The following SLC8A2 variants were observed in gnomAD, a reference collection of about 807,000 sequenced individuals.
SLC8A2 encodes the protein sodium/calcium exchanger 2.
In SLC8A2, 14 loss-of-function variants were observed where a neutral mutation model predicts 70.2. The observed-to-expected ratio is 0.20, with a 90% CI of 0.13 to 0.31. The LOEUF (loss-of-function observed/expected upper bound fraction) is 0.31. SLC8A2 is among the 10% of genes least tolerant of loss of function. The probability of loss-of-function intolerance (pLI) is 1.00; values close to 1 mark genes in which losing one functional copy is unlikely to be tolerated. For missense variants in SLC8A2, 779 were observed against 1,320.1 expected, an observed-to-expected ratio of 0.59 and a Z score of 6.35; for synonymous variants, 575 against 594.3, an observed-to-expected ratio of 0.97 and a Z score of 0.47.
rs1412581877 is a variant in SLC8A2, at chr19:47,429,238, TTGTC to T, written c.*847_*850del. ...AGGGAGTCTGCTGCCCTCTCAAAAG[TTGTC>T]TGTCACCCCCTTTTCCCAAGACATG... On this transcript the variant is annotated 3_prime_UTR_variant, in exon 10 of 10. Transcript: ENST00000236877. 1.3e-5 allele frequency: 2 copies of T among 152,452 alleles called. No homozygotes were observed. Among genetic ancestry groups the T allele is most frequent in the Non-Finnish European group, 2.9e-5 (2 of 68,086 alleles). The allele number at this position is 152,452 out of a possible 1,614,324, so 9.4% of individuals were successfully genotyped here.
intron 1 of SLC8A2, among the ~76,000 whole-genome samples, chr19:47,469,988 T>C (rs1308166488): frequency 6.6e-6 from 1 of 152,132 alleles, no homozygotes; most frequent in Non-Finnish European, 1.5e-5. Context: ...GTAAGACCCG[T>C]CCTTCATATC....
At chr19:47,437,603 G>T (rs370773034) in intron 7 of SLC8A2, 42 bp from the exon 8 acceptor site, 7 of 1,477,464 alleles carry the variant, frequency 4.7e-6, no homozygotes, top group South Asian at 1.1e-5. Flanking sequence ...GCCCCTGAGC[G>T]AACCAGGGAA....
rs1384760901 is a variant in SLC8A2 at position 47,430,389 on chromosome 19, G to A, written c.2466C>T (p.Asn822=). 6.2e-7 allele frequency: 1 copy of A among 1,610,832 alleles called. No homozygotes were observed. Among genetic ancestry groups the A allele is most frequent in the Non-Finnish European group, 8.5e-7 (1 of 1,179,230 alleles). The part of the protein sequence containing the change: ...DASIGNVTGS[N]AVNVFLGLGV... ...CCAGGCCAAGGAACACGTTCACCGCGTTGGAGCCGGTCACGTTGCCGATGG... is the reference window on the plus strand; with the variant it reads ...CCAGGCCAAGGAACACGTTCACCGCATTGGAGCCGGTCACGTTGCCGATGG... The change falls in exon 10 of 10, where the codon AAC becomes AAT. Residue 822 remains asparagine, a synonymous_variant. Transcript: ENST00000236877. This position sits in a 1 kb window ranked among gnomAD's most constrained non-coding sequence, Gnocchi z 5.9.
Position 47,430,102 on chromosome 19 carries a change from ATGT to A in SLC8A2, c.2750_2752del (p.His917_Ile918delinsLeu). On this transcript the variant is annotated inframe_deletion, in exon 10 of 10. Transcript: ENST00000236877. The surrounding 1 kb of genome is among the most constrained non-coding windows in gnomAD (Gnocchi z 5.9). ...CTGCGCGAGGCCCTAGAAGCCCCGG[ATGT>A]GGCAGTACGCCTCCAGGCTGGCGAA... The A allele has an allele frequency of 6.3e-7, 1 of 1,588,532 alleles. No individual in the cohort carries two copies. The highest frequency in any genetic ancestry group is 8.6e-7 in the Non-Finnish European group (1 of 1,167,230).
Position 47,429,867 on chromosome 19 carries a change from G to T in SLC8A2, c.*222C>A. 1 of 597,396 alleles carries T rather than the reference G, an allele frequency of 1.7e-6. No homozygotes were observed. Among genetic ancestry groups the T allele is most frequent in the South Asian group, 2.0e-5 (1 of 49,340 alleles). 37.0% of individuals were successfully genotyped at this position (597,396 alleles called of 1,614,324 possible). A position where few individuals can be genotyped will look rare whatever the true frequency, so the allele number is the denominator to read the frequency against. On this transcript the variant is annotated 3_prime_UTR_variant, in exon 10 of 10. Coordinates refer to ENST00000236877, the MANE Select transcript of SLC8A2 (RefSeq NM_015063.3). ...AGGATGGGCTGGAGTTGGGGTCACC[G>T]CAGGGGAGGAACCGGGGAGGCTCCC...
At position 47,432,525 on chromosome 19, in the gene SLC8A2, T is replaced by A; in HGVS notation, c.2111-80A>T. 1 of 1,373,058 alleles carries A rather than the reference T, an allele frequency of 7.3e-7. No individual in the cohort carries two copies. Among genetic ancestry groups the A allele is most frequent in the East Asian group, 2.4e-5 (1 of 41,538 alleles). The allele number at this position is 1,373,058 out of a possible 1,614,324, so 85.1% of individuals were successfully genotyped here. A position where few individuals can be genotyped will look rare whatever the true frequency, so the allele number is the denominator to read the frequency against. On this transcript the variant is annotated intron_variant, in intron 8 of 9. Coordinates refer to ENST00000236877, the MANE Select transcript of SLC8A2 (RefSeq NM_015063.3). The surrounding 1 kb of genome is among the most constrained non-coding windows in gnomAD (Gnocchi z 6.2). ...AGAGGCCCCATTTTGTCTAACTTCC[T>A]GACAGCAAGTCCCATTGAATGAACT...
chr19:47,451,436 G>A (rs1308965985), intron 3 of SLC8A2, among the ~76,000 whole-genome samples: 1 of 152,064 alleles, frequency 6.6e-6, no homozygotes, highest in Non-Finnish European at 1.5e-5. Flanking sequence ...AGCCTCTCGA[G>A]CAGCTGGGAC....
Position 47,430,004 on chromosome 19 carries a change from G to C in SLC8A2, c.*85C>G. The C allele has an allele frequency of 7.1e-7, 1 of 1,402,794 alleles. No homozygotes were observed. The highest frequency in any genetic ancestry group is 9.5e-7 in the Non-Finnish European group (1 of 1,047,482). 86.9% of individuals were successfully genotyped at this position (1,402,794 alleles called of 1,614,324 possible). A position where few individuals can be genotyped will look rare whatever the true frequency, so the allele number is the denominator to read the frequency against. ...CCAGGAGAGGAGGCCGAGTCTGGGG[G>C]GAAAAGGAGACCAGGGTCCAAGAGC... On this transcript the variant is annotated 3_prime_UTR_variant, in exon 10 of 10. Transcript: ENST00000236877. The surrounding 1 kb of genome is among the most constrained non-coding windows in gnomAD (Gnocchi z 5.9).
chr19:47,455,841 G>C (rs1171000429), intron 3 of SLC8A2, among the ~76,000 whole-genome samples: 1 of 152,178 alleles, frequency 6.6e-6, no homozygotes, highest in Non-Finnish European at 1.5e-5. Context: ...GAATATCACA[G>C]ATTTGCAAGG....
Position 47,466,052 on chromosome 19 carries a change from C to G in SLC8A2, c.352G>C (p.Val118Leu). 3.7e-6 allele frequency: 6 copies of G among 1,614,176 alleles called. No homozygotes were observed. Among genetic ancestry groups the G allele is most frequent in the Non-Finnish European group, 5.1e-6 (6 of 1,180,020 alleles). Residue 118 changes from valine to leucine, a missense_variant, in exon 2 of 10, where the codon GTG becomes CTG. Transcript: ENST00000236877. The surrounding 1 kb of genome is among the most constrained non-coding windows in gnomAD (Gnocchi z 6.9). Reference sequence around the variant, plus strand: ...TCATTCCAGATGCGAACGGTGCCCACGCTGGTCTCACCGTTGGCCTTGGTG... The same window carrying G: ...TCATTCCAGATGCGAACGGTGCCCAGGCTGGTCTCACCGTTGGCCTTGGTG... ...TITKANGETS[V>L]GTVRIWNETV...
At chr19:47,457,690 C>T in intron 2 of SLC8A2, 96 bp from the exon 3 acceptor site, 1 of 750,188 alleles carries the variant, frequency 1.3e-6, no homozygotes, top group East Asian at 3.1e-5. Context: ...CACTCCTCAT[C>T]TCTCTCCCCA....
intron 3 of SLC8A2, among the ~76,000 whole-genome samples, chr19:47,449,197 G>C (rs954921800): frequency 1.3e-4 from 20 of 152,152 alleles, no homozygotes; most frequent in Non-Finnish European, 2.5e-4. Flanking sequence ...GGAGGGTAGG[G>C]AGTGAGGAGA....
At position 47,432,327 on chromosome 19, in the gene SLC8A2, G is replaced by A. The variant is rs760790893; in HGVS notation, c.2229C>T (p.Thr743=). 10 of 1,613,534 alleles carry A rather than the reference G, an allele frequency of 6.2e-6. No individual in the cohort carries two copies. The highest frequency in any genetic ancestry group is 1.6e-4 in the Middle Eastern group (1 of 6,084). Residue 743 remains threonine (T), a synonymous_variant, in exon 9 of 10, where the codon ACC becomes ACT. Coordinates refer to ENST00000236877, the MANE Select transcript of SLC8A2 (RefSeq NM_015063.3). This position sits in a 1 kb window ranked among gnomAD's most constrained non-coding sequence, Gnocchi z 6.2. The stretch of plus-strand genomic sequence containing the variant: ...AGCAGGCCCAGCCGTGGCAGTACTC[G>A]GTGGGGGGCACACAGGCGAAGAGCA... The part of the protein sequence containing the change: ...WKVLFACVPP[T]EYCHGWACFG...
intron 6 of SLC8A2, 35 bp downstream of exon 6, chr19:47,441,134 C>G (rs772436879): frequency 3.1e-6 from 5 of 1,604,016 alleles, no homozygotes; most frequent in Non-Finnish European, 4.3e-6. Context: ...CCAGTGGCTC[C>G]TCCCCACTCA....
intron 6 of SLC8A2, 28 bp downstream of exon 6, chr19:47,441,141 C>A: frequency 6.2e-7 from 1 of 1,610,470 alleles, no homozygotes; most frequent in East Asian, 2.2e-5. Flanking sequence ...CTCCTCCCCA[C>A]TCAGAGCCCA....
rs1200514009 is a variant in SLC8A2, at chr19:47,439,584, CT to C, written c.1885+1584del. ...ACAACTTTGCCTGAGCAAGAAATAA[CT>C]TTTTTTCTCTCTTCTCCCTCCTTCC... On this transcript the variant is annotated intron_variant, in intron 6 of 9. Transcript: ENST00000236877. 1.7e-4 allele frequency among the ~76,000 whole-genome samples: 23 copies of C among 133,432 alleles called. No homozygotes were observed. The East Asian group carries it at 4.4e-3, about 25-fold the overall frequency. 87.5% of individuals were successfully genotyped at this position (133,432 alleles called of 152,430 possible). A position where few individuals can be genotyped will look rare whatever the true frequency, so the allele number is the denominator to read the frequency against.
chr19:47,454,824 G>A (rs745840635), intron 3 of SLC8A2, among the ~76,000 whole-genome samples: 1 of 152,154 alleles, frequency 6.6e-6, no homozygotes, highest in Non-Finnish European at 1.5e-5. Flanking sequence ...GGTGGCTCAC[G>A]CCTGTAGTCC....
At chr19:47,445,005 G>A (rs1365480009) in intron 4 of SLC8A2, among the ~76,000 whole-genome samples, 2 of 151,398 alleles carry the variant, frequency 1.3e-5, no homozygotes, top group Admixed American at 6.6e-5. Flanking sequence ...TCTTTATCGC[G>A]TCTCCATCTC....
intron 3 of SLC8A2, among the ~76,000 whole-genome samples, chr19:47,452,289 A>C (rs536686542): frequency 3.5e-4 from 53 of 151,990 alleles, no homozygotes; most frequent in African/African-American, 1.2e-3. Flanking sequence ...ATCTTGGCTC[A>C]CTGCAACCTC....
Sources: gnomAD v4.1 joint callset for allele counts (sites outside exome capture counted in the v4.1 genomes callset) on GRCh38, gnomAD v4.1.1 for gene constraint, Gnocchi (gnomAD v3.1) non-coding constraint, MANE v1.5 for transcripts, NCBI Gene and HGNC (gene_info 2026-07-23, HGNC 2026-07-21) for gene names.